WNK3: variants seen among roughly 807,000 people sequenced by gnomAD.
WNK3 encodes the protein serine/threonine-protein kinase WNK3.
Under a neutral mutation model 116.7 loss-of-function variants are expected in WNK3, and 18 were observed. The observed-to-expected ratio is 0.15, with a 90% CI of 0.11 to 0.23. WNK3 has a LOEUF of 0.23. Among genes scored for constraint, WNK3 ranks in the 10% least tolerant of loss-of-function variants. The pLI, the probability that WNK3 is intolerant of heterozygous loss-of-function variation, is 1.00. For synonymous variants in WNK3, 404 were observed against 469.4 expected (o/e 0.86, Z 1.80); for missense variants, 993 against 1,323.8 (o/e 0.75, Z 3.88).
At position 54,287,886 on chromosome X, in the gene WNK3, G is replaced by A. The variant is rs190882065; in HGVS notation, c.2037+5002C>T. 3.0e-3 allele frequency among the ~76,000 whole-genome samples: 335 copies of A among 112,015 alleles called. 3 individuals are homozygous for A. The highest frequency in any genetic ancestry group is 9.1e-3 in the Middle Eastern group (2 of 219). ...TTATTTTCCCCCACGAGGATTTACCGTTGGAATTTCTTGGCCTTGTAAATG... is the reference window on the plus strand; with the variant it reads ...TTATTTTCCCCCACGAGGATTTACCATTGGAATTTCTTGGCCTTGTAAATG... On this transcript the variant is annotated intron_variant, in intron 10 of 23. Transcript: ENST00000354646.
intron 17 of WNK3, among the ~76,000 whole-genome samples, chrX:54,245,241 C>T (rs186429495): frequency 7.5e-5 from 8 of 106,411 alleles, no homozygotes; most frequent in African/African-American, 2.4e-4. Flanking sequence ...AATCCCACTG[C>T]TTTGGGAGAC....
At chrX:54,296,738 C>T (rs1321264229) in intron 7 of WNK3, among the ~76,000 whole-genome samples, 2 of 111,178 alleles carry the variant, frequency 1.8e-5, no homozygotes, top group Admixed American at 9.6e-5. Context: ...GTGAGCCTGG[C>T]GCAGATGGTT....
intron 2 of WNK3, among the ~76,000 whole-genome samples, chrX:54,324,669 G>A (rs1474507001): frequency 3.6e-5 from 4 of 112,417 alleles, no homozygotes; most frequent in Non-Finnish European, 5.6e-5. Flanking sequence ...CTGATGAAGA[G>A]AGTGGGAAAT....
intron 22 of WNK3, among the ~76,000 whole-genome samples, chrX:54,212,000 G>C (rs2067621205): frequency 9.0e-6 from 1 of 111,562 alleles, no homozygotes; most frequent in Non-Finnish European, 1.9e-5. Context: ...GTTGAGGCGG[G>C]CGGATCATGA....
At chrX:54,194,259 C>A (rs1200763504) in exon 24 of WNK3, 5 of 111,751 alleles carry the variant, frequency 4.5e-5, no homozygotes, top group African/African-American at 1.6e-4. Context: ...TATATAAAAC[C>A]CTTACTATCA....
intron 6 of WNK3, 125 bp downstream of exon 6, chrX:54,301,646 G>T: frequency 2.0e-6 from 1 of 508,004 alleles, no homozygotes; most frequent in East Asian, 3.7e-5. Context: ...CTTCAATCTA[G>T]AGTATGGTTT....
At chrX:54,293,435 C>A (rs1319733593) in intron 8 of WNK3, 108 bp from the exon 9 acceptor site, 3 of 511,646 alleles carry the variant, frequency 5.9e-6, no homozygotes, top group Admixed American at 4.7e-5. Flanking sequence ...ACTCTGAGAA[C>A]CTGACATAGC....
At chrX:54,239,522 G>C (rs2068001095) in intron 17 of WNK3, among the ~76,000 whole-genome samples, 1 of 110,784 alleles carries the variant, frequency 9.0e-6, no homozygotes. Context: ...TTTCATTTAT[G>C]CCTATATTAT....
At chrX:54,248,601 C>T in intron 17 of WNK3, 96 bp downstream of exon 17, 8 of 763,574 alleles carry the variant, frequency 1.0e-5, no homozygotes, top group Non-Finnish European at 1.3e-5. Flanking sequence ...GTGACATAGA[C>T]CATTTCATCT....
At chrX:54,295,272 T>C (rs1471581398) in intron 7 of WNK3, among the ~76,000 whole-genome samples, 1 of 110,479 alleles carries the variant, frequency 9.1e-6, no homozygotes, top group Non-Finnish European at 1.9e-5. Context: ...TCTGTTTCTA[T>C]ATTCTCTCTT....
chrX:54,294,900 C>CTTTTT, intron 7 of WNK3, 53 bp from the exon 8 acceptor site: 1 of 899,688 alleles, frequency 1.1e-6, no homozygotes, highest in Non-Finnish European at 1.5e-6. Context: ...AAGATTTTAA[C>CTTTTT]TTTTTTTTTT....
chrX:54,230,800 G>A (rs1313114017), intron 21 of WNK3, among the ~76,000 whole-genome samples: 1 of 112,322 alleles, frequency 8.9e-6, no homozygotes, highest in Non-Finnish European at 1.9e-5. Flanking sequence ...TAAACAAACT[G>A]TGGTACATCC....
Position 54,217,230 on chromosome X carries a change from A to T in WNK3, c.4870+11484T>A, listed in dbSNP as rs781958234. Among the ~76,000 whole-genome samples the T allele has an allele frequency of 1.5e-4, 16 of 106,871 alleles. No individual in the cohort carries two copies. The South Asian group carries it at 6.9e-3, about 46-fold the overall frequency. The allele number at this position is 106,871 out of a possible 115,157, so 92.8% of individuals were successfully genotyped here. A position where few individuals can be genotyped will look rare whatever the true frequency, so the allele number is the denominator to read the frequency against. On this transcript the variant is annotated intron_variant, in intron 22 of 23. Coordinates refer to ENST00000354646, the Ensembl canonical transcript of WNK3. ...CTACTTGGGAGGCTGAGGCAGGAGA[A>T]TGGCATGAACCCAGGAGGCGGAGCT...
intron 10 of WNK3, among the ~76,000 whole-genome samples, chrX:54,267,549 G>A (rs1310800006): frequency 9.1e-6 from 1 of 110,256 alleles, no homozygotes; most frequent in African/African-American, 3.3e-5. Context: ...ACTTTGGGAG[G>A]CCGAGGTGGG....
chrX:54,311,207 G>A lies in WNK3; in HGVS notation c.622C>T (p.Arg208Ter). Residue 208 changes from arginine to a stop codon, truncating the protein, a stop_gained, in exon 3 of 24, where the codon CGA becomes TGA. Transcript: ENST00000354646. LOFTEE classifies it high-confidence loss of function. ...ATAGATTCCCAGGAATCATAAAATC[G>A]AACTATATTGGGGTGCTGGAGACCC... The A allele has an allele frequency of 8.4e-7, 1 of 1,192,087 alleles. No individual in the cohort carries two copies. The highest frequency in any genetic ancestry group is 1.1e-6 in the Non-Finnish European group (1 of 880,049).
Position 54,238,469 on chromosome X carries a change from T to C in WNK3, c.3887A>G (p.Glu1296Gly), listed in dbSNP as rs2067987922. The C allele has an allele frequency of 3.3e-6, 4 of 1,201,033 alleles. No individual in the cohort carries two copies. The Admixed American group carries it at 6.9e-5, about 21-fold the overall frequency. Residue 1296 changes from glutamate (E) to glycine (G), a missense_variant, in exon 19 of 24, where the codon GAA (glutamate) becomes GGA (glycine). By Grantham distance (98) the Glu-to-Gly change is moderately conservative. Coordinates refer to ENST00000354646, the Ensembl canonical transcript of WNK3. Reference sequence around the variant, plus strand: ...AATTGCTGATCTCATCTCTTCTGTTTCCACTGCAAGTTTTGCCAAATTGTA... The same window carrying C: ...AATTGCTGATCTCATCTCTTCTGTTCCCACTGCAAGTTTTGCCAAATTGTA...
At chrX:54,281,599 C>T in intron 10 of WNK3, among the ~76,000 whole-genome samples, 1 of 111,890 alleles carries the variant, frequency 8.9e-6, no homozygotes, top group Middle Eastern at 4.6e-3. Context: ...CTTCTCAGCC[C>T]TTGCCAACCA....
chrX:54,240,734 G>A (rs2068013824), intron 17 of WNK3, among the ~76,000 whole-genome samples: 1 of 111,417 alleles, frequency 9.0e-6, no homozygotes, highest in African/African-American at 3.3e-5. Context: ...ATGAGTGGTA[G>A]GCTAGAATGC....
chrX:54,269,022 T>A (rs1446785749), intron 10 of WNK3, among the ~76,000 whole-genome samples: 1 of 111,389 alleles, frequency 9.0e-6, no homozygotes, highest in Non-Finnish European at 1.9e-5. Context: ...TTCACCAATA[T>A]TGGGACAAAC....
Sources: allele counts gnomAD v4.1 joint callset (sites outside exome capture counted in the v4.1 genomes callset), GRCh38; gene constraint gnomAD v4.1.1; transcripts MANE v1.5; gene names NCBI Gene and HGNC (gene_info 2026-07-23, HGNC 2026-07-21).